Variants in DCUN1D1 observed in about 807,000 individuals in gnomAD.
The protein encoded by DCUN1D1 is defective in cullin neddylation 1 domain containing 1.
Under a neutral mutation model 39.0 loss-of-function variants are expected in DCUN1D1, and 3 were observed. The observed-to-expected ratio is 0.08, with a 90% CI of 0.04 to 0.20. The LOEUF is 0.20. Ranked by LOEUF, DCUN1D1 falls within the 10% of genes least tolerant of loss-of-function variation. The pLI is 1.00. For synonymous variants in DCUN1D1, 82 were observed against 96.3 expected (o/e 0.85, Z 0.87); for missense variants, 158 against 302.4 (o/e 0.52, Z 3.54).
intron 4 of DCUN1D1, among the ~76,000 whole-genome samples, chr3:182,952,080 C>T (rs947210203): frequency 2.6e-5 from 4 of 152,282 alleles, no homozygotes; most frequent in Middle Eastern, 3.4e-3. Context: ...CCAATGTCTA[C>T]CTGTCATCCA....
chr3:182,967,080 C>T (rs1363890946), intron 1 of DCUN1D1, among the ~76,000 whole-genome samples: 2 of 151,436 alleles, frequency 1.3e-5, no homozygotes, highest in African/African-American at 4.9e-5. Context: ...ACACTCCAGC[C>T]TGGGGGACAA....
At chr3:182,952,531 G>T (rs557252162) in intron 4 of DCUN1D1, among the ~76,000 whole-genome samples, 16 of 152,204 alleles carry the variant, frequency 1.1e-4, no homozygotes, top group African/African-American at 3.4e-4. Context: ...GGCTCAAACT[G>T]AACTCTATCT....
intron 4 of DCUN1D1, chr3:182,955,590 G>GT (rs59068119): frequency 0.12 from 44,337 of 355,276 alleles, 2,382 homozygotes; most frequent in African/African-American, 0.34. Flanking sequence ...CATCAGGAGG[G>GT]TTTTTTTTTT....
intron 1 of DCUN1D1, among the ~76,000 whole-genome samples, chr3:182,967,714 T>C (rs1329654476): frequency 1.3e-5 from 2 of 152,174 alleles, no homozygotes; most frequent in Non-Finnish European, 2.9e-5. Flanking sequence ...ATCCCTCAAG[T>C]GTCTAGGATT....
intron 4 of DCUN1D1, among the ~76,000 whole-genome samples, chr3:182,957,942 A>C (rs945145361): frequency 2.0e-5 from 3 of 148,740 alleles, no homozygotes; most frequent in African/African-American, 7.5e-5. Flanking sequence ...TGCATCAAAA[A>C]AAAAAAAAAA....
chr3:182,973,822 A>T (rs978996161), intron 1 of DCUN1D1, among the ~76,000 whole-genome samples: 2 of 151,986 alleles, frequency 1.3e-5, no homozygotes, highest in Non-Finnish European at 2.9e-5. Flanking sequence ...AAAAAAAAAA[A>T]TTCAGAAGTA....
chr3:182,965,484 C>G (rs1379561577), intron 2 of DCUN1D1, 53 bp downstream of exon 2: 1 of 1,235,784 alleles, frequency 8.1e-7, no homozygotes, highest in Non-Finnish European at 1.2e-6. Flanking sequence ...ATAAGCCCAT[C>G]TCTTTGGAAA....
chr3:182,974,525 TTCCACG>T lies in DCUN1D1; in HGVS notation c.3+5956_3+5961del, dbSNP rs546379138. Among the ~76,000 whole-genome samples, 289 of 150,514 alleles carry T rather than the reference TTCCACG, an allele frequency of 1.9e-3. 1 individual carries two copies. The highest frequency in any genetic ancestry group is 6.9e-3 in the African/African-American group (287 of 41,300). On this transcript the variant is annotated intron_variant, in intron 1 of 6. Transcript: ENST00000292782. ...GAAAAATTAAATGAGATTTTTAAAA[TTCCACG>T]GTTAAGTTCTAACATACTATATTTG... is the stretch of plus-strand genomic sequence containing the variant.
intron 1 of DCUN1D1, among the ~76,000 whole-genome samples, chr3:182,970,886 C>A (rs367660037): frequency 6.6e-6 from 1 of 152,106 alleles, no homozygotes; most frequent in Non-Finnish European, 1.5e-5. Flanking sequence ...ACTACAGGTC[C>A]GAAGTCAAAA....
intron 1 of DCUN1D1, among the ~76,000 whole-genome samples, chr3:182,978,883 C>T (rs1020287333): frequency 5.9e-5 from 9 of 152,196 alleles, no homozygotes; most frequent in African/African-American, 2.2e-4. Context: ...CCACTTGATG[C>T]CTGAATTCCT....
chr3:182,970,382 T>C (rs945451002), intron 1 of DCUN1D1, among the ~76,000 whole-genome samples: 1 of 152,106 alleles, frequency 6.6e-6, no homozygotes, highest in Non-Finnish European at 1.5e-5. Context: ...CAAGGAAAAA[T>C]AAACATGGAA....
intron 6 of DCUN1D1, among the ~76,000 whole-genome samples, chr3:182,945,654 T>C (rs573792402): frequency 1.3e-5 from 2 of 152,322 alleles, no homozygotes; most frequent in South Asian, 2.1e-4. Context: ...TATGAAATGA[T>C]AGCATGCTGC....
rs1045447839 is a variant in DCUN1D1 at position 182,956,286 on chromosome 3, C to T, written c.520+4940G>A. The T allele has an allele frequency of 9.3e-5, 26 of 278,236 alleles. 1 individual carries two copies. In the South Asian group the frequency reaches 1.2e-3, roughly 12 times the overall value. 17.2% of individuals were successfully genotyped at this position (278,236 alleles called of 1,614,324 possible). A position where few individuals can be genotyped will look rare whatever the true frequency, so the allele number is the denominator to read the frequency against. On this transcript the variant is annotated intron_variant, in intron 4 of 6. Transcript: ENST00000292782. ...TGCTTCTGAGGCCTGGAATGAGGCA[C>T]GTTGCCTTTCTGGGAGCTCATCACC... is the stretch of plus-strand genomic sequence containing the variant.
chr3:182,969,451 A>C (rs912274066), intron 1 of DCUN1D1, among the ~76,000 whole-genome samples: 11 of 152,234 alleles, frequency 7.2e-5, no homozygotes, highest in Non-Finnish European at 1.5e-4. Context: ...AAGAAAAAAC[A>C]GATGGATTTT....
At chr3:182,966,320 A>C (rs778018665) in intron 1 of DCUN1D1, among the ~76,000 whole-genome samples, 4 of 152,228 alleles carry the variant, frequency 2.6e-5, no homozygotes, top group Non-Finnish European at 5.9e-5. Flanking sequence ...AAATAGGAGA[A>C]AGCAATAAAA....
chr3:182,976,258 G>A (rs1374981379), intron 1 of DCUN1D1, among the ~76,000 whole-genome samples: 7 of 151,784 alleles, frequency 4.6e-5, no homozygotes, highest in African/African-American at 1.7e-4. Flanking sequence ...ACTGTCACAG[G>A]ACACTATGGA....
Position 182,964,059 on chromosome 3 carries a change from TAAC to T in DCUN1D1, c.221-13_221-11del. The T allele has an allele frequency of 6.2e-7, 1 of 1,606,020 alleles. No homozygotes were observed. The highest frequency in any genetic ancestry group is 8.5e-7 in the Non-Finnish European group (1 of 1,174,552). On this transcript the variant is annotated splice_polypyrimidine_tract_variant and intron_variant, in intron 2 of 6. Transcript: ENST00000292782. ...TTCTCATCTTGAGGGTCTTTAAAAA[TAAC>T]AATGCAATATTAAAGTAGTGTCATA...
At chr3:182,983,200 T>C (rs1728616377), upstream of DCUN1D1, among the ~76,000 whole-genome samples, 1 of 152,194 alleles carries the variant, frequency 6.6e-6, no homozygotes, top group South Asian at 2.1e-4. Context: ...AAACCAAGAC[T>C]GCCATACCTC....
At chr3:182,978,294 T>C (rs1452850661) in intron 1 of DCUN1D1, among the ~76,000 whole-genome samples, 4 of 152,172 alleles carry the variant, frequency 2.6e-5, no homozygotes, top group Non-Finnish European at 5.9e-5. Flanking sequence ...GAAACAAATA[T>C]ATGTAAGATA....
Sources: gnomAD v4.1 joint callset for allele counts (sites outside exome capture counted in the v4.1 genomes callset) on GRCh38, gnomAD v4.1.1 for gene constraint, MANE v1.5 for transcripts, NCBI Gene and HGNC (gene_info 2026-07-23, HGNC 2026-07-21) for gene names.